IQGAP2: variants seen among roughly 807,000 people sequenced by gnomAD.
IQGAP2 encodes IQ motif containing GTPase activating protein 2.
Under a neutral mutation model 201.3 loss-of-function variants are expected in IQGAP2, and 173 were observed. That is an observed-to-expected ratio of 0.86 (90% CI 0.76 to 0.98). The LOEUF is 0.98. Ranked by LOEUF, IQGAP2 falls within the 50% of genes least tolerant of loss-of-function variation. The probability of loss-of-function intolerance (pLI) is 0.00; values close to 1 mark genes in which losing one functional copy is unlikely to be tolerated. For synonymous variants in IQGAP2, 675 were observed against 673.9 expected (o/e 1.00, Z -0.03); for missense variants, 1,687 against 1,864.8 (o/e 0.90, Z 1.76).
At chr5:76,651,503 TGAGGCAG>T (rs1362342329) in intron 17 of IQGAP2, among the ~76,000 whole-genome samples, 1 of 152,164 alleles carries the variant, frequency 6.6e-6, no homozygotes, top group Non-Finnish European at 1.5e-5. Context: ...TTCAGGAGTC[TGAGGCAG>T]GAGGATCAGT....
At chr5:76,677,711 C>G (rs556222697) in intron 28 of IQGAP2, among the ~76,000 whole-genome samples, 1 of 152,130 alleles carries the variant, frequency 6.6e-6, no homozygotes, top group Non-Finnish European at 1.5e-5. Flanking sequence ...GAGGATCACT[C>G]AAGCCCACAA....
chr5:76,436,680 G>A lies in IQGAP2; in HGVS notation c.47-24890G>A, dbSNP rs891572308. Among the ~76,000 whole-genome samples, 5 of 149,998 alleles carry A rather than the reference G, an allele frequency of 3.3e-5. 1 individual carries two copies. The highest frequency in any genetic ancestry group is 2.1e-4 in the South Asian group (1 of 4,710). ...TGAGTAGCTAGGACTACAGGTGTGTGCCACCATGCCCAGCTAATTTGGTAT... is the reference window on the plus strand; with the variant it reads ...TGAGTAGCTAGGACTACAGGTGTGTACCACCATGCCCAGCTAATTTGGTAT... On this transcript the variant is annotated intron_variant, in intron 1 of 35. Coordinates refer to ENST00000274364, the MANE Select transcript of IQGAP2 (RefSeq NM_006633.5).
rs756444757 is a variant in IQGAP2, at chr5:76,617,982, A to G, written c.1521+6799A>G. 7.7e-5 allele frequency: 124 copies of G among 1,614,030 alleles called. No individual in the cohort carries two copies. The Middle Eastern group carries it at 9.9e-4, about 13-fold the overall frequency. On this transcript the variant is annotated intron_variant, in intron 13 of 35. Coordinates refer to ENST00000274364, the MANE Select transcript of IQGAP2 (RefSeq NM_006633.5). ...GTTGTGAACATCATGGCAGGTGGTG[A>G]TGTCTGGCTGAACAAGATAATATTC...
intron 13 of IQGAP2, chr5:76,618,678 G>T: frequency 6.8e-7 from 1 of 1,463,460 alleles, no homozygotes; most frequent in Non-Finnish European, 9.4e-7. Flanking sequence ...TAAATGTATA[G>T]TTCAAGAGAA....
At chr5:76,632,154 G>T in intron 15 of IQGAP2, 128 bp downstream of exon 15, 2 of 792,980 alleles carry the variant, frequency 2.5e-6, no homozygotes, top group Non-Finnish European at 1.9e-6. Context: ...TGTCATCTAT[G>T]GCTAAGGAAA....
At chr5:76,584,363 C>G (rs775791107) in intron 5 of IQGAP2, among the ~76,000 whole-genome samples, 3 of 152,156 alleles carry the variant, frequency 2.0e-5, no homozygotes, top group Admixed American at 6.5e-5. Context: ...AAAATGCCAT[C>G]TACTAACCAG....
intron 1 of IQGAP2, among the ~76,000 whole-genome samples, chr5:76,449,001 C>G (rs2150112516): frequency 6.6e-6 from 1 of 152,270 alleles, no homozygotes; most frequent in East Asian, 1.9e-4. Flanking sequence ...TTTCATCTCA[C>G]AACCGTACTC....
chr5:76,678,594 G>A (rs563867381), intron 28 of IQGAP2, among the ~76,000 whole-genome samples: 1 of 152,278 alleles, frequency 6.6e-6, no homozygotes, highest in African/African-American at 2.4e-5. Flanking sequence ...AATGCACCCT[G>A]GACCTCCCAA....
Position 76,405,133 on chromosome 5 carries a change from C to T in IQGAP2, c.46+1542C>T, listed in dbSNP as rs73764393. Among the ~76,000 whole-genome samples, 303 of 152,062 alleles carry T rather than the reference C, an allele frequency of 2.0e-3. 1 individual carries two copies. The highest frequency in any genetic ancestry group is 6.8e-3 in the African/African-American group (283 of 41,570). ...TTTCTTGCTATCACATGATTGATGT[C>T]GGCCCTCATGAGCAATAAATAGTGC... On this transcript the variant is annotated intron_variant, in intron 1 of 35. Coordinates refer to ENST00000274364, the MANE Select transcript of IQGAP2 (RefSeq NM_006633.5).
chr5:76,597,874 A>T (rs1421386583), intron 10 of IQGAP2, among the ~76,000 whole-genome samples: 1 of 152,300 alleles, frequency 6.6e-6, no homozygotes, highest in East Asian at 1.9e-4. Flanking sequence ...TTTCTGTGTG[A>T]TATTTGAAGA....
rs1021194161 is a variant in IQGAP2, at chr5:76,538,962, T to C, written c.147-23434T>C. Among the ~76,000 whole-genome samples, 4 of 152,294 alleles carry C rather than the reference T, an allele frequency of 2.6e-5. No homozygotes were observed. The East Asian group carries it at 7.7e-4, about 29-fold the overall frequency. On this transcript the variant is annotated intron_variant, in intron 2 of 35. Coordinates refer to ENST00000274364, the MANE Select transcript of IQGAP2 (RefSeq NM_006633.5). Reference sequence around the variant, plus strand: ...TGTGGTTTGTTCTGATGGTGGGGTGTCTGCTCAGGTGATGTGTGACTCTCT... The same window carrying C: ...TGTGGTTTGTTCTGATGGTGGGGTGCCTGCTCAGGTGATGTGTGACTCTCT...
In IQGAP2 at chr5:76,569,638, T is replaced by C. The variant is rs72777514; in HGVS notation, c.304-942T>C. ...TTTTATACAACAAATTATTAGATTG[T>C]AGAAGGTAACAGAAGGTGGGGAGAG... On this transcript the variant is annotated intron_variant, in intron 3 of 35. Transcript: ENST00000274364. Among the ~76,000 whole-genome samples the C allele has an allele frequency of 2.1e-3, 324 of 152,322 alleles. 2 individuals carry two copies. Among genetic ancestry groups the C allele is most frequent in the Middle Eastern group, 6.8e-3 (2 of 294 alleles).
chr5:76,585,387 A>AT (rs1308736536), intron 5 of IQGAP2, among the ~76,000 whole-genome samples: 4 of 152,182 alleles, frequency 2.6e-5, no homozygotes, highest in African/African-American at 9.6e-5. Context: ...TTCTTTGTAA[A>AT]TTAGGTATAT....
chr5:76,584,909 T>C (rs1056331901), intron 5 of IQGAP2, among the ~76,000 whole-genome samples: 1 of 152,146 alleles, frequency 6.6e-6, no homozygotes, highest in Non-Finnish European at 1.5e-5. Flanking sequence ...CAAATGAAAA[T>C]ATTAAAATAT....
intron 16 of IQGAP2, among the ~76,000 whole-genome samples, chr5:76,638,113 A>G (rs2432182): frequency 0.94 from 143,507 of 152,324 alleles, 67,880 homozygotes; most frequent in African/African-American, 0.98. Context: ...CTATTAGGAC[A>G]TTTGTTAGTT....
At chr5:76,411,190 G>A (rs1751095079) in intron 1 of IQGAP2, among the ~76,000 whole-genome samples, 1 of 152,004 alleles carries the variant, frequency 6.6e-6, no homozygotes, top group South Asian at 2.1e-4. Flanking sequence ...AAGGTAAAGA[G>A]GCATTTCTGA....
chr5:76,609,654 CG>C (rs1554074138), intron 12 of IQGAP2, among the ~76,000 whole-genome samples: 1 of 151,676 alleles, frequency 6.6e-6, no homozygotes, highest in African/African-American at 2.4e-5. Context: ...TGTGAAGTGA[CG>C]GGTGATCATT....
In IQGAP2 at chr5:76,403,452, C is replaced by G; in HGVS notation, c.-94C>G. On this transcript the variant is annotated 5_prime_UTR_variant, in exon 1 of 36. The change creates a new upstream start codon in the 5' untranslated region. Coordinates refer to ENST00000274364, the MANE Select transcript of IQGAP2 (RefSeq NM_006633.5). The surrounding 1 kb of genome is among the most constrained non-coding windows in gnomAD (Gnocchi z 4.8). ...AGGGGAAATCGGCGAGAGGCGGGAT[C>G]CGAGCGCGCCGGCGGGGCGCAGAGC... 1 of 970,512 alleles carries G rather than the reference C, an allele frequency of 1.0e-6. No homozygotes were observed. Among genetic ancestry groups the G allele is most frequent in the Non-Finnish European group, 1.4e-6 (1 of 727,558 alleles). The allele number at this position is 970,512 out of a possible 1,614,324, so 60.1% of individuals were successfully genotyped here.
At chr5:76,683,463 T>A (rs1745480006) in intron 29 of IQGAP2, among the ~76,000 whole-genome samples, 2 of 152,234 alleles carry the variant, frequency 1.3e-5, no homozygotes, top group African/African-American at 4.8e-5. Context: ...AAAAAGGAAT[T>A]GTCAACCTGT....
Sources: allele counts gnomAD v4.1 joint callset (sites outside exome capture counted in the v4.1 genomes callset), GRCh38; gene constraint gnomAD v4.1.1; non-coding constraint Gnocchi (gnomAD v3.1); transcripts MANE v1.5; gene names NCBI Gene and HGNC (gene_info 2026-07-23, HGNC 2026-07-21).